PACS1: variants seen among roughly 807,000 people sequenced by gnomAD.
PACS1 encodes the protein phosphofurin acidic cluster sorting protein 1, also known as PACS-1.
A neutral mutation model predicts 115.0 loss-of-function variants in PACS1; 24 were observed. The observed-to-expected ratio is 0.21, with a 90% confidence interval of 0.15 to 0.29. The LOEUF is 0.29. Among genes scored for constraint, PACS1 ranks in the 10% least tolerant of loss-of-function variants. The pLI, the probability that PACS1 is intolerant of heterozygous loss-of-function variation, is 1.00. For synonymous variants in PACS1, 453 were observed against 504.5 expected, an observed-to-expected ratio of 0.90 and a Z score of 1.37; for missense variants, 838 against 1,251.2, an observed-to-expected ratio of 0.67 and a Z score of 4.98.
At chr11:66,179,005 C>T (rs944311552) in intron 1 of PACS1, among the ~76,000 whole-genome samples, 1 of 152,114 alleles carries the variant, frequency 6.6e-6, no homozygotes, top group African/African-American at 2.4e-5. Flanking sequence ...AAGGCCAGAC[C>T]CCTCCAAAGT....
At position 66,118,786 on chromosome 11, in the gene PACS1, A is replaced by AG. The variant is rs553980569; in HGVS notation, c.356+47944_356+47945insG. On this transcript the variant is annotated intron_variant, in intron 1 of 23. Coordinates refer to ENST00000320580, the MANE Select transcript of PACS1 (RefSeq NM_018026.4). The stretch of plus-strand genomic sequence containing the variant: ...CATGTCTACAAAAAAAAAAAAAAAA[A>AG]AAAAAAGAAAGAAAAAGAAAAAAAG... Among the ~76,000 whole-genome samples, 50 of 151,382 alleles carry AG rather than the reference A, an allele frequency of 3.3e-4. No homozygotes were observed. The South Asian group carries it at 9.6e-3, about 29-fold the overall frequency.
intron 1 of PACS1, among the ~76,000 whole-genome samples, chr11:66,117,460 CAA>C (rs11407986): frequency 3.8e-5 from 5 of 130,110 alleles, no homozygotes; most frequent in Admixed American, 7.7e-5. Context: ...AACTCCATCT[CAA>C]AAAAAAAAAA....
At chr11:66,142,465 C>A (rs1859015609) in intron 1 of PACS1, among the ~76,000 whole-genome samples, 1 of 151,784 alleles carries the variant, frequency 6.6e-6, no homozygotes, top group African/African-American at 2.4e-5. Context: ...GCCACCACGC[C>A]CAGCTAATTT....
At chr11:66,209,593 G>C (rs1855023576) in intron 2 of PACS1, among the ~76,000 whole-genome samples, 1 of 152,088 alleles carries the variant, frequency 6.6e-6, no homozygotes, top group South Asian at 2.1e-4. Flanking sequence ...GTACAATAAA[G>C]ACTCATGAAA....
intron 4 of PACS1, among the ~76,000 whole-genome samples, chr11:66,212,298 AT>A (rs763631322): frequency 0.013 from 1,795 of 140,464 alleles, 14 homozygotes; most frequent in African/African-American, 0.032. Flanking sequence ...TGCCCAGCTA[AT>A]TTTTTTTTTT....
intron 1 of PACS1, among the ~76,000 whole-genome samples, chr11:66,134,256 T>TTTTTTTTC (rs1858782199): frequency 1.0e-5 from 1 of 98,532 alleles, no homozygotes; most frequent in Non-Finnish European, 2.0e-5. Flanking sequence ...TTCTTTTTCT[T>TTTTTTTTC]TTTTTTTTTT....
Position 66,070,609 on chromosome 11 carries a change from G to A in PACS1, c.123G>A (p.Pro41=), listed in dbSNP as rs1417586019. 65 of 1,528,472 alleles carry A rather than the reference G, an allele frequency of 4.3e-5. No homozygotes were observed. The highest frequency in any genetic ancestry group is 5.7e-5 in the Non-Finnish European group (65 of 1,146,864). The allele number at this position is 1,528,472 out of a possible 1,614,324, so 94.7% of individuals were successfully genotyped here. A position where few individuals can be genotyped will look rare whatever the true frequency, so the allele number is the denominator to read the frequency against. The change falls in exon 1 of 24, where the codon CCG becomes CCA. Residue 41 remains proline, a synonymous_variant. Coordinates refer to ENST00000320580, the MANE Select transcript of PACS1 (RefSeq NM_018026.4). The surrounding 1 kb of genome is among the most constrained non-coding windows in gnomAD (Gnocchi z 5.9). ...QPPPQQQQQQ[P]PQQPTPPKLA... ...CGCCGCAGCAGCAGCAGCAGCAGCC[G>A]CCGCAGCAGCCGACGCCCCCCAAGC...
intron 1 of PACS1, among the ~76,000 whole-genome samples, chr11:66,122,075 C>T (rs924942700): frequency 6.6e-6 from 1 of 152,080 alleles, no homozygotes. Context: ...CAGGCTGACT[C>T]TCTTGTTAGG....
intron 2 of PACS1, among the ~76,000 whole-genome samples, chr11:66,201,284 T>A (rs1232912185): frequency 6.6e-6 from 1 of 150,838 alleles, no homozygotes; most frequent in Admixed American, 6.6e-5. Flanking sequence ...AAACTAGAAA[T>A]CAATAGCAAG....
At chr11:66,158,503 G>A (rs1343398083) in intron 1 of PACS1, among the ~76,000 whole-genome samples, 2 of 152,194 alleles carry the variant, frequency 1.3e-5, no homozygotes, top group African/African-American at 4.8e-5. Flanking sequence ...TTTAAGACCA[G>A]CCTGTGCAAT....
rs1858141711 is a variant in PACS1 at position 66,109,652 on chromosome 11, G to GTTTCAACAGC, written c.356+38810_356+38811insTTTCAACAGC. Among the ~76,000 whole-genome samples, 3 of 152,174 alleles carry GTTTCAACAGC rather than the reference G, an allele frequency of 2.0e-5. No individual in the cohort carries two copies. The South Asian group carries it at 6.2e-4, about 32-fold the overall frequency. On this transcript the variant is annotated intron_variant, in intron 1 of 23. Coordinates refer to ENST00000320580, the MANE Select transcript of PACS1 (RefSeq NM_018026.4). Reference sequence around the variant, plus strand: ...CCAGCCTTTATCTTCCACATTTTCTGCTGTGTTGTTTCAACAGCCAGTGAC... The same window carrying GTTTCAACAGC: ...CCAGCCTTTATCTTCCACATTTTCTGTTTCAACAGCCTGTGTTGTTTCAACAGCCAGTGAC...
intron 1 of PACS1, among the ~76,000 whole-genome samples, chr11:66,121,353 A>C (rs1331681765): frequency 6.6e-6 from 1 of 152,202 alleles, no homozygotes; most frequent in African/African-American, 2.4e-5. Context: ...CATGAGATAC[A>C]GTATTGAAAT....
intron 1 of PACS1, among the ~76,000 whole-genome samples, chr11:66,184,823 C>G (rs1860085289): frequency 6.6e-6 from 1 of 152,166 alleles, no homozygotes; most frequent in South Asian, 2.1e-4. Flanking sequence ...TTTTCAGCTC[C>G]TAGCACAGAG....
chr11:66,192,114 AC>A (rs1383555169), intron 1 of PACS1, among the ~76,000 whole-genome samples: 2 of 152,134 alleles, frequency 1.3e-5, no homozygotes, highest in African/African-American at 4.8e-5. Context: ...TAAAAAAAAA[AC>A]AAAACATGAA....
intron 1 of PACS1, among the ~76,000 whole-genome samples, chr11:66,078,117 A>T (rs1590728666): frequency 6.6e-6 from 1 of 152,176 alleles, no homozygotes; most frequent in Non-Finnish European, 1.5e-5. Flanking sequence ...GTGAGTAATG[A>T]TCTGTGTCCA....
intron 19 of PACS1, chr11:66,238,408 T>C: frequency 1.1e-6 from 1 of 893,930 alleles, no homozygotes; most frequent in African/African-American, 1.8e-5. Context: ...CCCATCTCAT[T>C]GTTGCAACTA....
intron 1 of PACS1, among the ~76,000 whole-genome samples, chr11:66,175,045 G>C (rs1404850339): frequency 6.6e-6 from 1 of 152,058 alleles, no homozygotes; most frequent in Non-Finnish European, 1.5e-5. Flanking sequence ...CAGCTACTCG[G>C]GAGGCTGAGG....
intron 1 of PACS1, among the ~76,000 whole-genome samples, chr11:66,124,687 C>A (rs574883789): frequency 6.6e-6 from 1 of 152,326 alleles, no homozygotes; most frequent in East Asian, 1.9e-4. Context: ...GCATAAGTCT[C>A]ATGGTGTGTC....
intron 1 of PACS1, among the ~76,000 whole-genome samples, chr11:66,108,510 C>G (rs1858106461): frequency 6.6e-6 from 1 of 152,136 alleles, no homozygotes; most frequent in Non-Finnish European, 1.5e-5. Flanking sequence ...ATCGCTTGAG[C>G]CCAGGAGTTT....
Sources: allele counts gnomAD v4.1 joint callset (sites outside exome capture counted in the v4.1 genomes callset), GRCh38; gene constraint gnomAD v4.1.1; non-coding constraint Gnocchi (gnomAD v3.1); transcripts MANE v1.5; gene names NCBI Gene and HGNC (gene_info 2026-07-23, HGNC 2026-07-21).